SLC6A6: variants seen among roughly 807,000 people sequenced by gnomAD.
SLC6A6 encodes solute carrier family 6 member 6, also known as sodium- and chloride-dependent taurine transporter.
SLC6A6 carries 16 observed loss-of-function variants against 68.8 expected under a neutral mutation model. That is an observed-to-expected ratio of 0.23 (90% confidence interval 0.16 to 0.35). The LOEUF is 0.35. SLC6A6 is among the 10% of genes least tolerant of loss of function. The probability of loss-of-function intolerance (pLI) is 1.00; values close to 1 mark genes in which losing one functional copy is unlikely to be tolerated. For missense variants in SLC6A6, 474 were observed against 802.8 expected, an observed-to-expected ratio of 0.59 and a Z score of 4.95; for synonymous variants, 312 against 315.4, an observed-to-expected ratio of 0.99 and a Z score of 0.12.
intron 1 of SLC6A6, among the ~76,000 whole-genome samples, chr3:14,409,060 G>A (rs908986920): frequency 9.2e-5 from 14 of 152,132 alleles, no homozygotes; most frequent in South Asian, 6.2e-4. Context: ...TGCCCGCCTC[G>A]GCCTCCCAAA....
chr3:14,483,347 C>T (rs1701054866), intron 14 of SLC6A6, among the ~76,000 whole-genome samples: 1 of 152,246 alleles, frequency 6.6e-6, no homozygotes, highest in African/African-American at 2.4e-5. Flanking sequence ...CTCCCACCTG[C>T]ACAAGTCATC....
At chr3:14,483,816 G>A (rs1701070122) in intron 14 of SLC6A6, among the ~76,000 whole-genome samples, 1 of 152,018 alleles carries the variant, frequency 6.6e-6, no homozygotes, top group Non-Finnish European at 1.5e-5. Context: ...CGAGTAACTT[G>A]GACTACAGGC....
At chr3:14,439,325 C>T (rs1157932731) in intron 2 of SLC6A6, among the ~76,000 whole-genome samples, 1 of 152,196 alleles carries the variant, frequency 6.6e-6, no homozygotes, top group Admixed American at 6.5e-5. Context: ...ACAGCTCAGC[C>T]CCCAGAATAA....
At chr3:14,449,294 A>G (rs1342895240) in intron 5 of SLC6A6, among the ~76,000 whole-genome samples, 1 of 152,226 alleles carries the variant, frequency 6.6e-6, no homozygotes, top group Non-Finnish European at 1.5e-5. Flanking sequence ...GGGTTCCTCT[A>G]GTGTGTATAT....
At chr3:14,459,665 C>G (rs572747410) in intron 6 of SLC6A6, among the ~76,000 whole-genome samples, 16 of 152,066 alleles carry the variant, frequency 1.1e-4, no homozygotes, top group Non-Finnish European at 2.1e-4. Context: ...TGTGCTACCC[C>G]GGTTCTCTGT....
At chr3:14,474,198 C>T (rs937054616) in intron 10 of SLC6A6, among the ~76,000 whole-genome samples, 1 of 152,214 alleles carries the variant, frequency 6.6e-6, no homozygotes, top group African/African-American at 2.4e-5. Context: ...GGTGGGGCTT[C>T]CTCCTTTGCA....
chr3:14,426,759 C>T (rs1308385599), intron 2 of SLC6A6, among the ~76,000 whole-genome samples: 2 of 152,110 alleles, frequency 1.3e-5, no homozygotes, highest in Non-Finnish European at 2.9e-5. Context: ...CGGGACCCTC[C>T]TCATCCCTAC....
intron 9 of SLC6A6, among the ~76,000 whole-genome samples, chr3:14,470,684 G>A (rs1263182208): frequency 2.0e-5 from 3 of 152,182 alleles, no homozygotes; most frequent in African/African-American, 4.8e-5. Context: ...CAGGGCCAAC[G>A]CTGATGTTCT....
intron 1 of SLC6A6, among the ~76,000 whole-genome samples, chr3:14,409,555 C>T (rs758188575): frequency 3.3e-4 from 50 of 152,250 alleles, no homozygotes; most frequent in Non-Finnish European, 6.2e-4. Context: ...CCACTGACCG[C>T]ACGGCAAACG....
At chr3:14,470,637 C>T (rs1238504300) in intron 9 of SLC6A6, among the ~76,000 whole-genome samples, 1 of 152,196 alleles carries the variant, frequency 6.6e-6, no homozygotes, top group East Asian at 1.9e-4. Context: ...TGTCTTGCAG[C>T]TGGCTGGACT....
Position 14,430,935 on chromosome 3 carries a change from G to C in SLC6A6, c.-11-12689G>C, listed in dbSNP as rs188971921. On this transcript the variant is annotated intron_variant, in intron 2 of 14. Coordinates refer to ENST00000622186, the MANE Select transcript of SLC6A6 (RefSeq NM_003043.6). ...CCTCAGTTTCCTCATCTGTAAAATG[G>C]GCTTGGATGTGGACGTGCCAAGACC... Among the ~76,000 whole-genome samples, 284 of 152,292 alleles carry C rather than the reference G, an allele frequency of 1.9e-3. 1 individual carries two copies. Among genetic ancestry groups the C allele is most frequent in the African/African-American group, 6.1e-3 (254 of 41,554 alleles).
chr3:14,413,528 T>C (rs981149526), intron 1 of SLC6A6, among the ~76,000 whole-genome samples: 1 of 152,248 alleles, frequency 6.6e-6, no homozygotes, highest in Non-Finnish European at 1.5e-5. Context: ...CCCAGCAGTA[T>C]GGGCATCACG....
chr3:14,433,802 CAAAAAAAAAAA>C (rs67806643), intron 2 of SLC6A6, among the ~76,000 whole-genome samples: 7 of 77,508 alleles, frequency 9.0e-5, no homozygotes, highest in East Asian at 4.7e-4. Flanking sequence ...GACTCTGTCT[CAAAAAAAAAAA>C]AAAAAAAAAA....
At chr3:14,446,452 A>G (rs1700122994) in intron 4 of SLC6A6, among the ~76,000 whole-genome samples, 2 of 152,206 alleles carry the variant, frequency 1.3e-5, no homozygotes, top group South Asian at 4.1e-4. Flanking sequence ...CCTATGGCAT[A>G]CTGTGTTCAC....
At chr3:14,442,802 G>A (rs570742256) in intron 2 of SLC6A6, among the ~76,000 whole-genome samples, 1 of 152,222 alleles carries the variant, frequency 6.6e-6, no homozygotes, top group Admixed American at 6.5e-5. Flanking sequence ...ACAGGGAGCC[G>A]GAGGGCAAGG....
intron 7 of SLC6A6, 133 bp from the exon 8 acceptor site, chr3:14,467,720 A>G (rs914278560): frequency 1.6e-6 from 1 of 617,682 alleles, no homozygotes; most frequent in African/African-American, 1.9e-5. Context: ...ATTCGAGCAT[A>G]AATGTTCCAT....
chr3:14,415,857 G>A (rs534417143), intron 1 of SLC6A6, among the ~76,000 whole-genome samples: 226 of 152,314 alleles, frequency 1.5e-3, no homozygotes, highest in African/African-American at 5.2e-3. Context: ...CTTCTCTGAG[G>A]CCCCTCACTC....
intron 1 of SLC6A6, 124 bp from the exon 2 acceptor site, chr3:14,416,288 G>T: frequency 2.5e-6 from 1 of 396,816 alleles, no homozygotes; most frequent in Non-Finnish European, 4.4e-6. Flanking sequence ...CAAGGGGTTT[G>T]GTCAGCCCCT....
rs1553578751 is a variant in SLC6A6 at position 14,468,337 on chromosome 3, C to CA, written c.1096+125_1096+126insA. On this transcript the variant is annotated intron_variant, in intron 9 of 14. Coordinates refer to ENST00000622186, the MANE Select transcript of SLC6A6 (RefSeq NM_003043.6). This position sits in a 1 kb window ranked among gnomAD's most constrained non-coding sequence, Gnocchi z 4.5. ...GACGAGCCTGGTTTCTAAAATGGAC[C>CA]CCCCCCCCGCCACCAAGATATCCCC... is the stretch of plus-strand genomic sequence containing the variant. The CA allele has an allele frequency of 2.8e-6, 2 of 708,278 alleles. No individual in the cohort carries two copies. Among genetic ancestry groups the CA allele is most frequent in the Non-Finnish European group, 4.3e-6 (2 of 461,138 alleles). The allele number at this position is 708,278 out of a possible 1,614,324, so 43.9% of individuals were successfully genotyped here. A position where few individuals can be genotyped will look rare whatever the true frequency, so the allele number is the denominator to read the frequency against.
Sources: allele counts gnomAD v4.1 joint callset (sites outside exome capture counted in the v4.1 genomes callset), GRCh38; gene constraint gnomAD v4.1.1; non-coding constraint Gnocchi (gnomAD v3.1); transcripts MANE v1.5; gene names NCBI Gene and HGNC (gene_info 2026-07-23, HGNC 2026-07-21).